NUTF2: variants seen among roughly 807,000 people sequenced by gnomAD.
NUTF2 encodes placental protein 15.
In NUTF2, 3 loss-of-function variants were observed where a neutral mutation model predicts 18.5. The ratio of observed to expected loss-of-function variants is 0.16; its 90% CI spans 0.07 to 0.42. The LOEUF is 0.42. NUTF2 is among the 10% of genes least tolerant of loss of function. The pLI is 0.99. For missense variants in NUTF2, 44 were observed against 160.7 expected (o/e 0.27, Z 3.93); for synonymous variants, 51 against 57.9 (o/e 0.88, Z 0.54).
intron 1 of NUTF2, among the ~76,000 whole-genome samples, chr16:67,849,354 T>C (rs2057834368): frequency 6.6e-6 from 1 of 152,206 alleles, no homozygotes; most frequent in African/African-American, 2.4e-5. Flanking sequence ...TTTTTGTTTT[T>C]CTCTCGAGAC....
At chr16:67,860,169 C>T (rs2151297895) in intron 1 of NUTF2, among the ~76,000 whole-genome samples, 1 of 151,938 alleles carries the variant, frequency 6.6e-6, no homozygotes, top group African/African-American at 2.4e-5. Flanking sequence ...TTAGTAGAGA[C>T]GGGGTTTCAC....
chr16:67,862,512 C>G (rs1041148657), intron 1 of NUTF2, among the ~76,000 whole-genome samples: 1 of 152,220 alleles, frequency 6.6e-6, no homozygotes, highest in African/African-American at 2.4e-5. Flanking sequence ...CCTTCCACCA[C>G]CACTTCAGTC....
At chr16:67,856,073 A>T (rs1321368026) in intron 1 of NUTF2, 4 of 644,618 alleles carry the variant, frequency 6.2e-6, no homozygotes, top group Non-Finnish European at 2.9e-6. Context: ...GCCAATCTGG[A>T]CGTCCCTGAA....
Position 67,847,494 on chromosome 16 carries a change from C to T in NUTF2, c.-30+509C>T, listed in dbSNP as rs562868427. On this transcript the variant is annotated intron_variant, in intron 1 of 4. Transcript: ENST00000219169. The stretch of plus-strand genomic sequence containing the variant: ...GCCTGCCGCAGCCGGGGCTTGGGCC[C>T]CTCACCCTGTTCCCGACCATAGCCC... 577 of 152,514 alleles carry T rather than the reference C, an allele frequency of 3.8e-3. 2 individuals are homozygous for T. The highest frequency in any genetic ancestry group is 5.9e-3 in the Non-Finnish European group (399 of 68,152). 9.4% of individuals were successfully genotyped at this position (152,514 alleles called of 1,614,324 possible). A position where few individuals can be genotyped will look rare whatever the true frequency, so the allele number is the denominator to read the frequency against.
chr16:67,858,188 G>A (rs1042227443), intron 1 of NUTF2, among the ~76,000 whole-genome samples: 7 of 152,184 alleles, frequency 4.6e-5, no homozygotes, highest in African/African-American at 1.4e-4. Flanking sequence ...TTTTAATTGA[G>A]ACCGAATCTC....
chr16:67,856,911 C>T (rs549364717), intron 1 of NUTF2, among the ~76,000 whole-genome samples: 1 of 152,318 alleles, frequency 6.6e-6, no homozygotes, highest in African/African-American at 2.4e-5. Flanking sequence ...GTTTCCTTGT[C>T]TATAAAGTGA....
chr16:67,865,894 AT>A (rs1259149498), intron 2 of NUTF2, among the ~76,000 whole-genome samples: 2 of 151,572 alleles, frequency 1.3e-5, no homozygotes, highest in Non-Finnish European at 2.9e-5. Context: ...AATTTTTTGT[AT>A]TTTTAGTAGA....
chr16:67,856,183 G>A, intron 1 of NUTF2: 3 of 326,500 alleles, frequency 9.2e-6, no homozygotes, highest in Non-Finnish European at 1.1e-5. Context: ...TTGCATCTCG[G>A]CCAGTTTTTT....
chr16:67,860,881 C>G (rs1382662671), intron 1 of NUTF2, among the ~76,000 whole-genome samples: 1 of 152,210 alleles, frequency 6.6e-6, no homozygotes, highest in African/African-American at 2.4e-5. Context: ...GATGGTAGAA[C>G]AGGGTTGTGA....
chr16:67,869,448 C>A (rs750297504), intron 4 of NUTF2, among the ~76,000 whole-genome samples: 1 of 151,824 alleles, frequency 6.6e-6, no homozygotes, highest in Non-Finnish European at 1.5e-5. Context: ...TCCCTCAGAC[C>A]CCCCAAGAAC....
intron 1 of NUTF2, among the ~76,000 whole-genome samples, chr16:67,860,687 G>T (rs1484744599): frequency 1.3e-5 from 2 of 152,226 alleles, no homozygotes; most frequent in African/African-American, 4.8e-5. Flanking sequence ...GTGGAGGATA[G>T]CCACGACTGG....
chr16:67,856,923 G>A (rs2057901940), intron 1 of NUTF2, among the ~76,000 whole-genome samples: 1 of 152,222 alleles, frequency 6.6e-6, no homozygotes, highest in South Asian at 2.1e-4. Flanking sequence ...ATAAAGTGAA[G>A]ATAATCATAC....
At chr16:67,859,173 G>A (rs932812685) in intron 1 of NUTF2, among the ~76,000 whole-genome samples, 2 of 151,668 alleles carry the variant, frequency 1.3e-5, no homozygotes, top group Admixed American at 6.6e-5. Context: ...CTCTGGCTCC[G>A]AGGGTTTGTT....
intron 1 of NUTF2, among the ~76,000 whole-genome samples, chr16:67,852,768 C>T (rs1006940405): frequency 2.6e-5 from 4 of 152,280 alleles, no homozygotes; most frequent in African/African-American, 7.2e-5. Flanking sequence ...CAACCTCTGC[C>T]TCCTGGGTTC....
At chr16:67,856,047 C>A in intron 1 of NUTF2, 1 of 763,118 alleles carries the variant, frequency 1.3e-6, no homozygotes, top group Non-Finnish European at 2.4e-6. Context: ...CGGCACTCAC[C>A]CACTGTTACG....
At chr16:67,851,598 G>GCTGCA (rs1369458038) in intron 1 of NUTF2, among the ~76,000 whole-genome samples, 1 of 152,052 alleles carries the variant, frequency 6.6e-6, no homozygotes, top group Non-Finnish European at 1.5e-5. Context: ...ATGTTGATGT[G>GCTGCA]CTGCACCCAT....
At chr16:67,859,452 C>T (rs1395982138) in intron 1 of NUTF2, among the ~76,000 whole-genome samples, 9 of 151,276 alleles carry the variant, frequency 5.9e-5, no homozygotes, top group Non-Finnish European at 7.4e-5. Context: ...CGGGTTCAAG[C>T]GATTCTCCTG....
At chr16:67,852,354 T>G (rs2151294630) in intron 1 of NUTF2, among the ~76,000 whole-genome samples, 1 of 150,028 alleles carries the variant, frequency 6.7e-6, no homozygotes, top group African/African-American at 2.4e-5. Context: ...TTTTTTTCTT[T>G]TTTTTTTTTT....
rs987415859 is a variant in NUTF2 at position 67,856,009 on chromosome 16, G to A, written c.-30+9024G>A. 4.0e-5 allele frequency: 47 copies of A among 1,161,710 alleles called. No individual in the cohort carries two copies. The Middle Eastern group carries it at 8.6e-4, about 21-fold the overall frequency. The allele number at this position is 1,161,710 out of a possible 1,614,324, so 72.0% of individuals were successfully genotyped here. A position where few individuals can be genotyped will look rare whatever the true frequency, so the allele number is the denominator to read the frequency against. ...CAGCGGCCTTGGTGACCTTGAGCAC[G>A]TTGAAGCGTACTGTCTTGCTCAGGG... On this transcript the variant is annotated intron_variant, in intron 1 of 4. Transcript: ENST00000219169.
Sources: allele counts gnomAD v4.1 joint callset (sites outside exome capture counted in the v4.1 genomes callset), GRCh38; gene constraint gnomAD v4.1.1; transcripts MANE v1.5; gene names NCBI Gene and HGNC (gene_info 2026-07-23, HGNC 2026-07-21).